The following CCDC171 variants were observed in gnomAD, a reference collection of about 807,000 sequenced individuals.
CCDC171 encodes the protein coiled-coil domain-containing protein 171.
Under a neutral mutation model 168.2 loss-of-function variants are expected in CCDC171, and 177 were observed. The observed-to-expected ratio is 1.05, with a 90% CI of 0.93 to 1.19. CCDC171 has a LOEUF of 1.19. CCDC171 is among the 50% of genes most tolerant of loss of function. The probability of loss-of-function intolerance (pLI) is 0.00; values close to 1 mark genes in which losing one functional copy is unlikely to be tolerated. For synonymous variants in CCDC171, 687 were observed against 540.8 expected (o/e 1.27, Z -3.75); for missense variants, 1,991 against 1,539.0 (o/e 1.29, Z -4.91).
intron 3 of CCDC171, among the ~76,000 whole-genome samples, chr9:15,996,918 A>T (rs1832392312): frequency 6.6e-6 from 1 of 152,176 alleles, no homozygotes; most frequent in Non-Finnish European, 1.5e-5. Flanking sequence ...AGAAAGAATA[A>T]TGAACAGGGC....
chr9:15,827,208 T>G (rs1010853812), intron 21 of CCDC171, among the ~76,000 whole-genome samples: 5 of 152,200 alleles, frequency 3.3e-5, no homozygotes, highest in Non-Finnish European at 7.3e-5. Context: ...AATAAATACC[T>G]TCTTTTTTCT....
At chr9:15,624,368 G>C (rs2044851246) in intron 7 of CCDC171, among the ~76,000 whole-genome samples, 1 of 151,760 alleles carries the variant, frequency 6.6e-6, no homozygotes, top group African/African-American at 2.4e-5. Context: ...CAACATTCAG[G>C]CTTGTTACAT....
chr9:15,915,007 C>T (rs1470208707), intron 24 of CCDC171, among the ~76,000 whole-genome samples: 14 of 152,056 alleles, frequency 9.2e-5, no homozygotes, highest in East Asian at 5.8e-4. Context: ...TGAGTTGAAC[C>T]GGGTACCTCA....
intron 6 of CCDC171, among the ~76,000 whole-genome samples, chr9:16,023,297 C>T (rs1014912310): frequency 1.3e-5 from 2 of 152,108 alleles, no homozygotes; most frequent in Non-Finnish European, 2.9e-5. Context: ...TGAAATTTAT[C>T]TGACTTTGAC....
At chr9:15,783,943 T>A (rs2135478772) in intron 20 of CCDC171, among the ~76,000 whole-genome samples, 1 of 152,270 alleles carries the variant, frequency 6.6e-6, no homozygotes, top group South Asian at 2.1e-4. Flanking sequence ...GCTACACCTT[T>A]ATATGTGTGG....
chr9:15,585,998 C>T (rs974579340), intron 4 of CCDC171, among the ~76,000 whole-genome samples: 1 of 151,960 alleles, frequency 6.6e-6, no homozygotes, highest in Non-Finnish European at 1.5e-5. Context: ...CGAAAAACTC[C>T]TTGAACAGTA....
intron 7 of CCDC171, among the ~76,000 whole-genome samples, chr9:15,628,633 C>G (rs2045385981): frequency 6.6e-6 from 1 of 152,240 alleles, no homozygotes; most frequent in South Asian, 2.1e-4. Flanking sequence ...GCAGTAACCT[C>G]TGCAGACTTA....
At chr9:16,046,125 C>T (rs1301925406) in intron 1 of CCDC171, among the ~76,000 whole-genome samples, 1 of 152,162 alleles carries the variant, frequency 6.6e-6, no homozygotes, top group East Asian at 1.9e-4. Flanking sequence ...CTCCTTGCAT[C>T]TAATAAAGGG....
At chr9:15,815,167 C>G (rs1013085466) in intron 21 of CCDC171, among the ~76,000 whole-genome samples, 1 of 152,170 alleles carries the variant, frequency 6.6e-6, no homozygotes, top group South Asian at 2.1e-4. Context: ...TCTTGTCTTT[C>G]ATCCCATCAA....
intron 25 of CCDC171, among the ~76,000 whole-genome samples, chr9:15,921,297 C>T (rs1031730134): frequency 2.6e-5 from 4 of 151,618 alleles, no homozygotes; most frequent in East Asian, 1.9e-4. Flanking sequence ...CAAGTGCCAG[C>T]GTCCAAATAA....
rs752151892 is a variant in CCDC171 at position 15,971,751 on chromosome 9, C to G, written c.3896C>G (p.Thr1299Ser). The change falls in exon 26 of 26, where the codon ACT becomes AGT. Residue 1299 changes from threonine to serine, a missense_variant. Transcript: ENST00000380701. ...YTFLKETFIN[T>S]VPHALTSSHS... ...TTCTTAAAGGAGACATTTATAAATA[C>G]TGTGCCCCATGCTCTGACATCATCT... 15 of 1,613,946 alleles carry G rather than the reference C, an allele frequency of 9.3e-6. No homozygotes were observed. The South Asian group carries it at 1.6e-4, about 18-fold the overall frequency.
At chr9:15,863,171 C>T (rs539077383) in intron 23 of CCDC171, among the ~76,000 whole-genome samples, 112 of 152,142 alleles carry the variant, frequency 7.4e-4, no homozygotes, top group Non-Finnish European at 1.3e-3. Context: ...ATTGTACGCA[C>T]AGTCCAATTC....
At chr9:15,888,949 CTTTTTTTTTTTTTTTTTT>C (rs371508341) in intron 24 of CCDC171, 2 of 73,324 alleles carry the variant, frequency 2.7e-5, no homozygotes, top group Non-Finnish European at 5.0e-5. Flanking sequence ...TTTTTCTTTT[CTTTTTTTTTTTTTTTTTT>C]TTTTTTTTGA....
intron 21 of CCDC171, among the ~76,000 whole-genome samples, chr9:15,798,888 A>C (rs1394991410): frequency 6.6e-6 from 1 of 151,882 alleles, no homozygotes. Context: ...TAGTGTTTAT[A>C]ATATACCTAT....
chr9:15,591,593 A>G, intron 5 of CCDC171, 37 bp downstream of exon 5: 1 of 1,147,488 alleles, frequency 8.7e-7, no homozygotes, highest in Non-Finnish European at 1.3e-6. Flanking sequence ...TCCGATATGT[A>G]ATATTCACCG....
chr9:15,593,741 A>C (rs2042150604), intron 5 of CCDC171, among the ~76,000 whole-genome samples: 1 of 151,984 alleles, frequency 6.6e-6, no homozygotes, highest in Admixed American at 6.6e-5. Context: ...ATTGGGTCAA[A>C]TATATCCCTA....
intron 3 of CCDC171, among the ~76,000 whole-genome samples, chr9:16,002,169 G>A (rs10962249): frequency 1.7e-5 from 2 of 116,862 alleles, no homozygotes; most frequent in African/African-American, 3.2e-5. Flanking sequence ...TGTTATTTTA[G>A]AATGTACTCC....
intron 3 of CCDC171, among the ~76,000 whole-genome samples, chr9:16,004,200 A>AT (rs149247778): frequency 0.1 from 15,230 of 152,200 alleles, 959 homozygotes; most frequent in South Asian, 0.26. Context: ...GCACATTCAC[A>AT]TTTGGGGTAA....
chr9:15,906,762 A>G (rs1822700741), intron 24 of CCDC171, among the ~76,000 whole-genome samples: 1 of 152,188 alleles, frequency 6.6e-6, no homozygotes, highest in Non-Finnish European at 1.5e-5. Flanking sequence ...ATGATTGTAT[A>G]TCTAGAAAAC....
Sources: allele counts gnomAD v4.1 joint callset (sites outside exome capture counted in the v4.1 genomes callset), GRCh38; gene constraint gnomAD v4.1.1; transcripts MANE v1.5; gene names NCBI Gene and HGNC (gene_info 2026-07-23, HGNC 2026-07-21).